The following SEC63 variants were observed in gnomAD, a reference collection of about 807,000 sequenced individuals.
SEC63 encodes the protein translocation protein SEC63 homolog.
Under a neutral mutation model 116.2 loss-of-function variants are expected in SEC63, and 56 were observed. The observed-to-expected ratio is 0.48, with a 90% CI of 0.39 to 0.60. The LOEUF (loss-of-function observed/expected upper bound fraction) is 0.60. SEC63 is among the 20% of genes least tolerant of loss of function. The pLI, the probability that SEC63 is intolerant of heterozygous loss-of-function variation, is 0.00. For synonymous variants in SEC63, 273 were observed against 294.6 expected (o/e 0.93, Z 0.75); for missense variants, 668 against 900.0 (o/e 0.74, Z 3.30).
intron 16 of SEC63, among the ~76,000 whole-genome samples, chr6:107,885,216 AAAAAGT>A (rs1366041913): frequency 6.6e-6 from 1 of 152,236 alleles, no homozygotes; most frequent in African/African-American, 2.4e-5. Context: ...ATTAAAAAGA[AAAAAGT>A]AAAACTGTCT....
chr6:107,875,446 C>T (rs887806339), intron 19 of SEC63, among the ~76,000 whole-genome samples: 5 of 152,072 alleles, frequency 3.3e-5, no homozygotes, highest in Admixed American at 6.6e-5. Flanking sequence ...CCTGTAATCC[C>T]GGCACTTTGG....
At chr6:107,929,542 T>A in intron 1 of SEC63, 28 bp from the exon 2 acceptor site, 1 of 1,351,172 alleles carries the variant, frequency 7.4e-7, no homozygotes, top group Non-Finnish European at 1.1e-6. Context: ...TAAGATGAAT[T>A]AAAAACCATT....
At chr6:107,902,462 G>C (rs1352999314) in intron 12 of SEC63, among the ~76,000 whole-genome samples, 2 of 152,008 alleles carry the variant, frequency 1.3e-5, no homozygotes, top group Non-Finnish European at 2.9e-5. Flanking sequence ...AATAAGAACT[G>C]TCTTTATTTG....
intron 1 of SEC63, among the ~76,000 whole-genome samples, chr6:107,932,435 A>AT (rs1787832597): frequency 6.6e-6 from 1 of 152,216 alleles, no homozygotes; most frequent in Non-Finnish European, 1.5e-5. Context: ...AGTCATCCAC[A>AT]TGGGAGGACT....
intron 14 of SEC63, 152 bp downstream of exon 14, chr6:107,897,497 T>G: frequency 7.4e-6 from 5 of 673,848 alleles, no homozygotes; most frequent in Non-Finnish European, 2.6e-6. Flanking sequence ...AACTGTCTCA[T>G]GAAAATTAAT....
chr6:107,893,782 G>A (rs1422358423), intron 15 of SEC63, 56 bp downstream of exon 15: 4 of 1,606,180 alleles, frequency 2.5e-6, no homozygotes, highest in Admixed American at 3.3e-5. Flanking sequence ...AATTGGAAAA[G>A]TAAATAAAAT....
chr6:107,924,763 T>C (rs1234045994), intron 3 of SEC63, 55 bp downstream of exon 3: 12 of 846,718 alleles, frequency 1.4e-5, no homozygotes, highest in East Asian at 2.4e-5. Context: ...TGAGGACCTA[T>C]AGCATTTTCA....
At chr6:107,881,610 C>T (rs1213687520) in intron 17 of SEC63, among the ~76,000 whole-genome samples, 2 of 152,086 alleles carry the variant, frequency 1.3e-5, no homozygotes, top group Non-Finnish European at 2.9e-5. Context: ...TTTGATTTCT[C>T]CCTTTCTCTG....
At chr6:107,914,555 T>C (rs1414075762) in intron 4 of SEC63, among the ~76,000 whole-genome samples, 1 of 152,194 alleles carries the variant, frequency 6.6e-6, no homozygotes, top group Non-Finnish European at 1.5e-5. Flanking sequence ...CTTATTTAAT[T>C]GTAACTCCAC....
At chr6:107,877,241 T>C (rs1449409047) in intron 18 of SEC63, 1 of 152,336 alleles carries the variant, frequency 6.6e-6, no homozygotes, top group Non-Finnish European at 1.5e-5. Flanking sequence ...TTAACACCTG[T>C]TTTAAGAGTT....
At chr6:107,911,245 T>C (rs1787277384) in intron 7 of SEC63, 101 bp downstream of exon 7, 1 of 818,634 alleles carries the variant, frequency 1.2e-6, no homozygotes, top group South Asian at 1.5e-5. Flanking sequence ...CAAGGATCAA[T>C]GGGTTATATT....
chr6:107,933,981 C>T (rs1340359975), intron 1 of SEC63, among the ~76,000 whole-genome samples: 16 of 152,234 alleles, frequency 1.1e-4, no homozygotes. Context: ...CCTCGGCCTC[C>T]CGAGGTGCCG....
intron 16 of SEC63, among the ~76,000 whole-genome samples, chr6:107,890,282 T>C (rs1256830174): frequency 6.6e-6 from 1 of 152,222 alleles, no homozygotes; most frequent in Non-Finnish European, 1.5e-5. Context: ...TTTAGGATAA[T>C]TAGCTCTTCT....
At chr6:107,884,098 A>AAAGC (rs1562315089) in intron 16 of SEC63, among the ~76,000 whole-genome samples, 1 of 150,208 alleles carries the variant, frequency 6.7e-6, no homozygotes, top group Admixed American at 6.6e-5. Context: ...AAAAATACAA[A>AAAGC]AAACAAACAA....
intron 1 of SEC63, among the ~76,000 whole-genome samples, chr6:107,946,144 C>T (rs1242437677): frequency 6.6e-6 from 1 of 151,938 alleles, no homozygotes; most frequent in Non-Finnish European, 1.5e-5. Context: ...ACCATATTGG[C>T]CAGGCTGGTC....
At chr6:107,873,181 T>G (rs1446844705) in intron 19 of SEC63, among the ~76,000 whole-genome samples, 1 of 152,134 alleles carries the variant, frequency 6.6e-6, no homozygotes, top group Admixed American at 6.6e-5. Flanking sequence ...AAGCAGTACT[T>G]AAAGCAACCA....
intron 14 of SEC63, among the ~76,000 whole-genome samples, chr6:107,894,444 C>CAGG: frequency 6.6e-6 from 1 of 152,076 alleles, no homozygotes; most frequent in East Asian, 1.9e-4. Flanking sequence ...GAGGCCAAGG[C>CAGG]AGGAGGATTG....
At chr6:107,912,441 G>A (rs1218700061) in intron 6 of SEC63, among the ~76,000 whole-genome samples, 2 of 152,166 alleles carry the variant, frequency 1.3e-5, no homozygotes, top group Non-Finnish European at 2.9e-5. Flanking sequence ...AAATTAGCCA[G>A]GCATGGTGGT....
Position 107,901,268 on chromosome 6 carries a change from G to C in SEC63, c.1357+102C>G, listed in dbSNP as rs542045750. On this transcript the variant is annotated intron_variant, in intron 13 of 20. Coordinates refer to ENST00000369002, the MANE Select transcript of SEC63 (RefSeq NM_007214.5). ...ACAGTTCTGCAAAGTCTAATAACAA[G>C]TTATGTTATTAAGTACAGTGTTTTG... The C allele has an allele frequency of 3.5e-6, 4 of 1,144,980 alleles. No homozygotes were observed. In the Admixed American group the frequency reaches 6.8e-5, roughly 20 times the overall value. 70.9% of individuals were successfully genotyped at this position (1,144,980 alleles called of 1,614,324 possible).
Sources: allele counts gnomAD v4.1 joint callset (sites outside exome capture counted in the v4.1 genomes callset), GRCh38; gene constraint gnomAD v4.1.1; transcripts MANE v1.5; gene names NCBI Gene and HGNC (gene_info 2026-07-23, HGNC 2026-07-21).